RDH13: variants seen among roughly 807,000 people sequenced by gnomAD.
RDH13 encodes retinol dehydrogenase 13, also known as retinol dehydrogenase 13 (all-trans and 9-cis).
A neutral mutation model predicts 28.3 loss-of-function variants in RDH13; 35 were observed. The observed-to-expected ratio is 1.24, with a 90% CI of 0.95 to 1.64. RDH13 has a LOEUF of 1.64. Among genes scored for constraint, RDH13 ranks in the 40% most tolerant of loss-of-function variants. The pLI, the probability that RDH13 is intolerant of heterozygous loss-of-function variation, is 0.00. For synonymous variants in RDH13, 229 were observed against 198.5 expected (o/e 1.15, Z -1.29); for missense variants, 514 against 446.3 (o/e 1.15, Z -1.37).
chr19:55,056,608 G>A (rs2075641790), intron 3 of RDH13, 45 bp downstream of exon 3: 10 of 1,595,096 alleles, frequency 6.3e-6, no homozygotes, highest in Non-Finnish European at 8.6e-6. Context: ...GGCCCTGGGA[G>A]CCGCCTATCC....
intron 1 of RDH13, among the ~76,000 whole-genome samples, 189 bp downstream of exon 1, chr19:55,062,779 C>T (rs956791400): frequency 1.3e-5 from 2 of 152,150 alleles, no homozygotes; most frequent in Admixed American, 1.3e-4. Context: ...CTCGCCCTTC[C>T]CTCCGAGTGA....
intron 3 of RDH13, among the ~76,000 whole-genome samples, chr19:55,055,950 C>T (rs1314370613): frequency 1.3e-5 from 2 of 151,322 alleles, no homozygotes; most frequent in Non-Finnish European, 2.9e-5. Flanking sequence ...GTCAGGAGTT[C>T]GAGACCAGCC....
At chr19:55,048,856 T>A in intron 3 of RDH13, 93 bp from the exon 4 acceptor site, 1 of 1,123,508 alleles carries the variant, frequency 8.9e-7, no homozygotes, top group African/African-American at 1.5e-5. Flanking sequence ...CCACAACCTG[T>A]GAATGTGGCC....
intron 1 of RDH13, among the ~76,000 whole-genome samples, chr19:55,061,840 G>A (rs895123103): frequency 2.7e-5 from 4 of 147,922 alleles, no homozygotes; most frequent in Non-Finnish European, 6.0e-5. Context: ...TCACTTGGCC[G>A]GGCACGGTGG....
intron 3 of RDH13, chr19:55,050,633 C>T (rs1352155052): frequency 6.6e-6 from 1 of 152,140 alleles, no homozygotes; most frequent in Non-Finnish European, 1.5e-5. Context: ...CATAAGGACA[C>T]CAGTCACTGG....
Position 55,056,766 on chromosome 19 carries a change from T to G in RDH13, c.227A>C (p.Glu76Ala). The change falls in exon 3 of 7, where the codon GAG becomes GCG. Residue 76 changes from glutamate to alanine, a missense_variant. By Grantham distance (107) the Glu-to-Ala change is moderately radical. Transcript: ENST00000415061. The part of the protein sequence containing the change: ...ILACRDMEKC[E>A]AAAKDIRGET... ...CCCGCGGATGTCCTTTGCTGCCGCC[T>G]CACACTTCTCCATGTCTCGGCAGGC... 6.2e-7 allele frequency: 1 copy of G among 1,614,072 alleles called. No homozygotes were observed. Among genetic ancestry groups the G allele is most frequent in the African/African-American group, 1.3e-5 (1 of 74,998 alleles).
intron 3 of RDH13, among the ~76,000 whole-genome samples, chr19:55,053,506 A>G (rs1271603718): frequency 2.0e-5 from 3 of 151,946 alleles, no homozygotes. Context: ...AATATAAAAA[A>G]TTAGCCGGGC....
Position 55,047,404 on chromosome 19 carries a change from A to C in RDH13, c.743T>G (p.Phe248Cys). 1 of 1,611,872 alleles carries C rather than the reference A, an allele frequency of 6.2e-7. No individual in the cohort carries two copies. The highest frequency in any genetic ancestry group is 8.5e-7 in the Non-Finnish European group (1 of 1,179,892). The change falls in exon 6 of 7, where the codon TTC (phenylalanine) becomes TGC (cysteine). Residue 248 changes from phenylalanine to cysteine, a missense_variant. Transcript: ENST00000415061. ...GRHTGIHGSTFSSTTLGPIFW... is the reference protein window; with the variant it reads ...GRHTGIHGSTCSSTTLGPIFW... ...GGACTCACCGAGTGTGGTGCTGGAG[A>C]AGGTGGAGCCATGGATGCCCGTGTG...
chr19:55,051,186 A>G (rs1016831909), intron 3 of RDH13, among the ~76,000 whole-genome samples: 2 of 151,974 alleles, frequency 1.3e-5, no homozygotes, highest in African/African-American at 4.8e-5. Context: ...AGCCACTTCC[A>G]CTCGTGAGAG....
chr19:55,061,778 G>C (rs1464264948), intron 1 of RDH13, among the ~76,000 whole-genome samples: 1 of 139,268 alleles, frequency 7.2e-6, no homozygotes, highest in Non-Finnish European at 1.6e-5. Flanking sequence ...GGGTGACAGA[G>C]AGACCCTGTC....
intron 2 of RDH13, 62 bp downstream of exon 2, chr19:55,059,095 A>C: frequency 9.0e-7 from 1 of 1,113,034 alleles, no homozygotes; most frequent in Non-Finnish European, 1.3e-6. Flanking sequence ...ACTGTGAATA[A>C]TGCTGCAGTG....
chr19:55,049,721 A>T (rs188328774), intron 3 of RDH13, among the ~76,000 whole-genome samples: 4 of 151,400 alleles, frequency 2.6e-5, no homozygotes, highest in African/African-American at 9.7e-5. Context: ...ACCAGGAGGC[A>T]GAGGGTGCAG....
At chr19:55,057,489 G>C (rs1045639188) in intron 2 of RDH13, among the ~76,000 whole-genome samples, 7 of 151,260 alleles carry the variant, frequency 4.6e-5, no homozygotes, top group Non-Finnish European at 1.0e-4. Context: ...CTGGAGTGCG[G>C]TGGCGCAATC....
In RDH13 at chr19:55,048,339, C is replaced by T. The variant is rs1486053176; in HGVS notation, c.648G>A (p.Arg216=). The change falls in exon 5 of 7, where the codon CGG becomes CGA. Residue 216 remains arginine (R), a synonymous_variant. Transcript: ENST00000415061. ...CTAGCGCCCCCGTACCTTGCAGCCG[C>T]CGGCTCAGCTCCTTGGTGAAGAGGA... ...AIVLFTKELS[R]RLQGSGVTVN... 1.2e-6 allele frequency: 2 copies of T among 1,614,120 alleles called. No individual in the cohort carries two copies. The highest frequency in any genetic ancestry group is 1.3e-5 in the African/African-American group (1 of 75,062).
At chr19:55,050,383 G>A (rs1568698429) in intron 3 of RDH13, among the ~76,000 whole-genome samples, 1 of 152,262 alleles carries the variant, frequency 6.6e-6, no homozygotes, top group South Asian at 2.1e-4. Flanking sequence ...CCAAAGTGCT[G>A]GGACTGCAGG....
chr19:55,048,077 C>A, intron 5 of RDH13: 2 of 1,492,912 alleles, frequency 1.3e-6, no homozygotes, highest in Non-Finnish European at 1.8e-6. Flanking sequence ...GCTGCCTGCC[C>A]AACAGCAGCA....
At chr19:55,043,140 G>A (rs2075086661), downstream of RDH13, 2 of 152,326 alleles carry the variant, frequency 1.3e-5, no homozygotes, top group Non-Finnish European at 2.9e-5. Flanking sequence ...GGTGGCTCAT[G>A]CCTGTAATCC....
At chr19:55,057,293 CAG>C (rs1442889097) in intron 2 of RDH13, among the ~76,000 whole-genome samples, 1 of 152,092 alleles carries the variant, frequency 6.6e-6, no homozygotes, top group African/African-American at 2.4e-5. Context: ...TCTAGGGTAA[CAG>C]ATGTTCTAAG....
At position 55,045,212 on chromosome 19, in the gene RDH13, C is replaced by A. The variant is rs2075175368; in HGVS notation, c.858G>T (p.Lys286Asn). Residue 286 changes from lysine to asparagine, a missense_variant, in exon 7 of 7, where the codon AAG becomes AAT. By Grantham distance (94) the Lys-to-Asn change is moderately conservative. Coordinates refer to ENST00000415061, the MANE Select transcript of RDH13 (RefSeq NM_001145971.2). ...CCTTCTGTTTGAGTCCATCGAAGTA[C>A]TTTCCGGAAACATCCGCCAGTTCCT... ...VAEELADVSG[K>N]YFDGLKQKAP... The A allele has an allele frequency of 1.2e-6, 2 of 1,613,578 alleles. No individual in the cohort carries two copies. The highest frequency in any genetic ancestry group is 4.5e-5 in the East Asian group (2 of 44,880).
Sources: gnomAD v4.1 joint callset for allele counts (sites outside exome capture counted in the v4.1 genomes callset) on GRCh38, gnomAD v4.1.1 for gene constraint, MANE v1.5 for transcripts, NCBI Gene and HGNC (gene_info 2026-07-23, HGNC 2026-07-21) for gene names.